The following PDE4B variants were observed in gnomAD, a reference collection of about 807,000 sequenced individuals.
PDE4B encodes phosphodiesterase 4B, also known as 3',5'-cyclic-AMP phosphodiesterase 4B.
Under a neutral mutation model 82.2 loss-of-function variants are expected in PDE4B, and 20 were observed. The ratio of observed to expected loss-of-function variants is 0.24; its 90% confidence interval spans 0.17 to 0.35. The LOEUF is 0.35. Among genes scored for constraint, PDE4B ranks in the 10% least tolerant of loss-of-function variants. The pLI, the probability that PDE4B is intolerant of heterozygous loss-of-function variation, is 1.00. For missense variants in PDE4B, 655 were observed against 907.2 expected, an observed-to-expected ratio of 0.72 and a Z score of 3.57; for synonymous variants, 320 against 318.9, an observed-to-expected ratio of 1.00 and a Z score of -0.04.
intron 3 of PDE4B, among the ~76,000 whole-genome samples, chr1:66,099,079 T>C (rs1174672795): frequency 2.0e-5 from 3 of 152,156 alleles, no homozygotes; most frequent in African/African-American, 7.2e-5. Flanking sequence ...GTTTGTTACA[T>C]AGGTAAACGT....
At chr1:65,938,089 T>C (rs1251833799) in intron 3 of PDE4B, among the ~76,000 whole-genome samples, 1 of 152,196 alleles carries the variant, frequency 6.6e-6, no homozygotes, top group African/African-American at 2.4e-5. Context: ...CTTTGGATAT[T>C]TGATGGCTGA....
chr1:65,861,009 CTGA>C lies in PDE4B; in HGVS notation c.-70-52231_-70-52229del, dbSNP rs1182188869. On this transcript the variant is annotated intron_variant, in intron 1 of 16. Transcript: ENST00000341517. ...CCATTCTGTAGGTTGCCTGTTCAGTCTGATGATAGTTTCTTTTGCTGTGCAGAA... is the reference window on the plus strand; with the variant it reads ...CCATTCTGTAGGTTGCCTGTTCAGTCTGATAGTTTCTTTTGCTGTGCAGAA... Among the ~76,000 whole-genome samples the C allele has an allele frequency of 1.2e-4, 19 of 152,262 alleles. No individual in the cohort carries two copies. In the South Asian group the frequency reaches 3.9e-3, roughly 32 times the overall value.
Position 65,814,478 on chromosome 1 carries a change from A to G in PDE4B, c.-71+21230A>G, listed in dbSNP as rs192698966. Reference sequence around the variant, plus strand: ...TTTATTGAGATACTGCTTAAGTACAATAAGTTAAACTCATTTAAAAGGCTA... The same window carrying G: ...TTTATTGAGATACTGCTTAAGTACAGTAAGTTAAACTCATTTAAAAGGCTA... On this transcript the variant is annotated intron_variant, in intron 1 of 16. Transcript: ENST00000341517. Among the ~76,000 whole-genome samples, 713 of 152,294 alleles carry G rather than the reference A, an allele frequency of 4.7e-3. 3 individuals carry two copies. Among genetic ancestry groups the G allele is most frequent in the South Asian group, 0.022 (104 of 4,816 alleles).
rs752252352 is a variant in PDE4B, at chr1:65,825,705, C to CCTGTCTGTCTGTCTATCTAT, written c.-71+32459_-71+32460insGTCTGTCTGTCTATCTATCT. Among the ~76,000 whole-genome samples the CCTGTCTGTCTGTCTATCTAT allele has an allele frequency of 9.4e-4, 101 of 107,448 alleles. 1 individual carries two copies. The highest frequency in any genetic ancestry group is 3.2e-3 in the African/African-American group (100 of 31,060). 70.5% of individuals were successfully genotyped at this position (107,448 alleles called of 152,430 possible). On this transcript the variant is annotated intron_variant, in intron 1 of 16. Coordinates refer to ENST00000341517, the MANE Select transcript of PDE4B (RefSeq NM_002600.4). The stretch of plus-strand genomic sequence containing the variant: ...TAAAAAAAAATTAAAAACAAAATTA[C>CCTGTCTGTCTGTCTATCTAT]CTATCTATCTATCTATCTATCTATC...
chr1:66,367,108 A>T (rs899129502), intron 13 of PDE4B, among the ~76,000 whole-genome samples: 11 of 152,214 alleles, frequency 7.2e-5, no homozygotes, highest in Non-Finnish European at 1.5e-4. Context: ...GGAGAGAGCC[A>T]AAAGACAGAA....
chr1:66,368,037 T>C lies in PDE4B; in HGVS notation c.1634T>C (p.Leu545Pro). 6.2e-7 allele frequency: 1 copy of C among 1,613,882 alleles called. No homozygotes were observed. The highest frequency in any genetic ancestry group is 8.5e-7 in the Non-Finnish European group (1 of 1,179,852). ...AAAGTTACAAGTTCAGGCGTTCTTC[T>C]CCTAGACAACTATACCGATCGCATT... ...TKKVTSSGVL[L>P]LDNYTDRIQV... The change falls in exon 15 of 17, where the codon CTC (leucine) becomes CCC (proline). Residue 545 changes from leucine (L) to proline (P), a missense_variant. By Grantham distance (98) the Leu-to-Pro change is moderately conservative. Coordinates refer to ENST00000341517, the MANE Select transcript of PDE4B (RefSeq NM_002600.4).
chr1:66,349,002 T>C (rs1384971048), intron 8 of PDE4B, among the ~76,000 whole-genome samples: 1 of 152,166 alleles, frequency 6.6e-6, no homozygotes, highest in Non-Finnish European at 1.5e-5. Flanking sequence ...ATGTGTGTTA[T>C]ATCATCTCTT....
Position 65,929,108 on chromosome 1 carries a change from G to A in PDE4B, c.281+10273G>A, listed in dbSNP as rs576066169. Among the ~76,000 whole-genome samples the A allele has an allele frequency of 9.3e-4, 141 of 152,198 alleles. 1 individual carries two copies. The highest frequency in any genetic ancestry group is 2.7e-3 in the Admixed American group (42 of 15,276). ...TCAACCTTACTTCTAGGGGCCCGCCGGGACTTTAGTCTAGTTATAGGTCTA... is the reference window on the plus strand; with the variant it reads ...TCAACCTTACTTCTAGGGGCCCGCCAGGACTTTAGTCTAGTTATAGGTCTA... On this transcript the variant is annotated intron_variant, in intron 3 of 16. Transcript: ENST00000341517.
intron 1 of PDE4B, among the ~76,000 whole-genome samples, chr1:65,881,922 A>G (rs116744091): frequency 0.013 from 2,054 of 152,306 alleles, 59 homozygotes; most frequent in African/African-American, 0.048. Flanking sequence ...ATTATATATC[A>G]TTATGCTATT....
chr1:66,084,672 G>A (rs1656914218), intron 3 of PDE4B, among the ~76,000 whole-genome samples: 1 of 152,098 alleles, frequency 6.6e-6, no homozygotes, highest in Non-Finnish European at 1.5e-5. Flanking sequence ...TGGAAGCTCA[G>A]GTGTGGAAGT....
At chr1:65,878,431 C>T (rs1194450859) in intron 1 of PDE4B, among the ~76,000 whole-genome samples, 1 of 152,188 alleles carries the variant, frequency 6.6e-6, no homozygotes, top group African/African-American at 2.4e-5. Flanking sequence ...CACATGCACA[C>T]TTATGTTTAT....
At chr1:65,908,200 C>A (rs1647048704) in intron 1 of PDE4B, among the ~76,000 whole-genome samples, 1 of 152,140 alleles carries the variant, frequency 6.6e-6, no homozygotes, top group African/African-American at 2.4e-5. Context: ...TTTGTCAATT[C>A]TCCTGGAAGA....
chr1:66,100,000 C>T (rs1645190730), intron 3 of PDE4B, among the ~76,000 whole-genome samples: 1 of 151,992 alleles, frequency 6.6e-6, no homozygotes, highest in Non-Finnish European at 1.5e-5. Flanking sequence ...ATACAATTAC[C>T]TGTTTATATT....
At chr1:66,073,325 G>A (rs17128362) in intron 3 of PDE4B, among the ~76,000 whole-genome samples, 2,606 of 152,206 alleles carry the variant, frequency 0.017, 82 homozygotes, top group African/African-American at 0.06. Context: ...TGGGCAATGA[G>A]ACTTTATTTC....
At chr1:65,944,667 C>T (rs991614453) in intron 3 of PDE4B, among the ~76,000 whole-genome samples, 2 of 151,880 alleles carry the variant, frequency 1.3e-5, no homozygotes, top group East Asian at 3.9e-4. Flanking sequence ...AGATGACCAG[C>T]CCTGACCATA....
chr1:66,257,772 T>C, intron 5 of PDE4B, 21 bp from the exon 6 acceptor site: 1 of 1,612,026 alleles, frequency 6.2e-7, no homozygotes, highest in Non-Finnish European at 8.5e-7. Flanking sequence ...TCCTTAACCG[T>C]TTAAAACATT....
intron 3 of PDE4B, among the ~76,000 whole-genome samples, chr1:66,216,909 A>G (rs915338820): frequency 3.3e-5 from 5 of 152,082 alleles, no homozygotes; most frequent in Non-Finnish European, 7.4e-5. Flanking sequence ...CTCATTACCT[A>G]TGCACAGCAA....
chr1:66,259,412 T>C (rs901882361), intron 6 of PDE4B, among the ~76,000 whole-genome samples: 4 of 152,158 alleles, frequency 2.6e-5, no homozygotes, highest in African/African-American at 9.7e-5. Context: ...TCATGGTCTG[T>C]TGTTCTCTGC....
chr1:66,126,512 T>A (rs1645827037), intron 3 of PDE4B, among the ~76,000 whole-genome samples: 1 of 152,206 alleles, frequency 6.6e-6, no homozygotes, highest in Admixed American at 6.5e-5. Context: ...AAAATATATA[T>A]GTTTCAGAAA....
Sources: allele counts gnomAD v4.1 joint callset (sites outside exome capture counted in the v4.1 genomes callset), GRCh38; gene constraint gnomAD v4.1.1; transcripts MANE v1.5; gene names NCBI Gene and HGNC (gene_info 2026-07-23, HGNC 2026-07-21).